Variants in PIP5K1B observed in about 807,000 individuals in gnomAD.
PIP5K1B encodes phosphatidylinositol-4-phosphate 5-kinase type 1 beta, also known as phosphatidylinositol 4-phosphate 5-kinase type-1 beta.
PIP5K1B carries 42 observed loss-of-function variants against 67.0 expected under a neutral mutation model. The observed-to-expected ratio is 0.63, with a 90% CI of 0.49 to 0.81. The LOEUF is 0.81. Among genes scored for constraint, PIP5K1B ranks in the 30% least tolerant of loss-of-function variants. The probability of loss-of-function intolerance (pLI) is 0.00; values close to 1 mark genes in which losing one functional copy is unlikely to be tolerated. For missense variants in PIP5K1B, 459 were observed against 646.3 expected (o/e 0.71, Z 3.14); for synonymous variants, 214 against 231.4 (o/e 0.92, Z 0.68).
intron 8 of PIP5K1B, among the ~76,000 whole-genome samples, chr9:68,904,386 G>A (rs1380795286): frequency 6.6e-6 from 1 of 152,230 alleles, no homozygotes; most frequent in Non-Finnish European, 1.5e-5. Context: ...TGGAGAGCTT[G>A]GTTTGGACAG....
intron 14 of PIP5K1B, among the ~76,000 whole-genome samples, chr9:68,970,713 T>G (rs1262565216): frequency 1.3e-5 from 2 of 152,234 alleles, no homozygotes; most frequent in African/African-American, 4.8e-5. Context: ...TGTTAAGAAA[T>G]CACATATAAA....
chr9:68,832,870 T>C (rs1339406384), intron 4 of PIP5K1B, among the ~76,000 whole-genome samples: 1 of 152,250 alleles, frequency 6.6e-6, no homozygotes, highest in Admixed American at 6.5e-5. Flanking sequence ...CGTTTGGTTA[T>C]TGAGCACAGG....
At chr9:68,979,339 CAT>C (rs1017479002) in intron 14 of PIP5K1B, among the ~76,000 whole-genome samples, 3 of 152,194 alleles carry the variant, frequency 2.0e-5, no homozygotes, top group African/African-American at 7.2e-5. Context: ...AATGAAATAA[CAT>C]GTGTAATACA....
intron 2 of PIP5K1B, chr9:68,781,135 C>A: frequency 7.0e-7 from 1 of 1,433,302 alleles, no homozygotes; most frequent in Non-Finnish European, 9.4e-7. Flanking sequence ...TATTTGACCC[C>A]TTTTCTTTTT....
At chr9:68,918,083 G>GTT (rs1414281323) in intron 9 of PIP5K1B, among the ~76,000 whole-genome samples, 2 of 142,102 alleles carry the variant, frequency 1.4e-5, no homozygotes, top group East Asian at 2.1e-4. Flanking sequence ...ATGTTTTATT[G>GTT]TTTATTTATT....
chr9:69,008,353 G>A (rs1483572415), intron 15 of PIP5K1B, 94 bp from the exon 16 acceptor site: 2 of 1,077,754 alleles, frequency 1.9e-6, no homozygotes, highest in African/African-American at 1.5e-5. Context: ...ACAAGTGATT[G>A]GGAGAAATAA....
chr9:68,835,316 G>A (rs2132126183), intron 4 of PIP5K1B, among the ~76,000 whole-genome samples: 1 of 152,360 alleles, frequency 6.6e-6, no homozygotes, highest in African/African-American at 2.4e-5. Flanking sequence ...CTCACCAGCA[G>A]TGGACTGAGA....
intron 2 of PIP5K1B, among the ~76,000 whole-genome samples, chr9:68,796,187 CA>C (rs1473410511): frequency 3.9e-5 from 6 of 152,182 alleles, no homozygotes; most frequent in African/African-American, 1.4e-4. Context: ...ATGTAATATA[CA>C]GTGAATGTTT....
intron 1 of PIP5K1B, among the ~76,000 whole-genome samples, chr9:68,721,065 G>A (rs1193911843): frequency 6.6e-6 from 1 of 152,196 alleles, no homozygotes; most frequent in Non-Finnish European, 1.5e-5. Flanking sequence ...TAATGGGTAG[G>A]GTGGCTGTGG....
chr9:68,718,408 C>T (rs1827729973), intron 1 of PIP5K1B, among the ~76,000 whole-genome samples: 1 of 152,182 alleles, frequency 6.6e-6, no homozygotes, highest in Non-Finnish European at 1.5e-5. Flanking sequence ...CAATCTCTGA[C>T]TTTAAAAATA....
intron 2 of PIP5K1B, among the ~76,000 whole-genome samples, chr9:68,814,035 A>G (rs934841737): frequency 1.3e-5 from 2 of 152,222 alleles, no homozygotes; most frequent in African/African-American, 4.8e-5. Flanking sequence ...CACGCAAGAC[A>G]CACAAAGCCT....
chr9:68,977,680 A>T (rs1587749881), intron 14 of PIP5K1B, among the ~76,000 whole-genome samples: 1 of 136,496 alleles, frequency 7.3e-6, no homozygotes, highest in Non-Finnish European at 1.5e-5. Context: ...TTCGAGACGG[A>T]GTCTCGCTCT....
intron 6 of PIP5K1B, among the ~76,000 whole-genome samples, chr9:68,883,403 G>A (rs1824297653): frequency 2.0e-5 from 3 of 152,224 alleles, no homozygotes; most frequent in Admixed American, 6.5e-5. Context: ...TTGTCAAGAA[G>A]CAAGGCTAAC....
intron 4 of PIP5K1B, among the ~76,000 whole-genome samples, chr9:68,854,631 A>G (rs1354286465): frequency 1.3e-5 from 2 of 152,242 alleles, no homozygotes; most frequent in East Asian, 1.9e-4. Context: ...AGAAAAAGCT[A>G]AAAAGATGAG....
At chr9:68,752,091 G>A (rs150445953) in intron 2 of PIP5K1B, among the ~76,000 whole-genome samples, 28 of 151,926 alleles carry the variant, frequency 1.8e-4, no homozygotes, top group African/African-American at 4.1e-4. Context: ...TTGTTTTCTC[G>A]TTTATAAAAT....
At chr9:69,005,144 C>T (rs1406080507) in intron 15 of PIP5K1B, among the ~76,000 whole-genome samples, 1 of 151,956 alleles carries the variant, frequency 6.6e-6, no homozygotes, top group African/African-American at 2.4e-5. Flanking sequence ...ACTAAACTTC[C>T]TGTGTGCATG....
At chr9:68,790,072 C>G (rs1831873430) in intron 2 of PIP5K1B, among the ~76,000 whole-genome samples, 1 of 152,112 alleles carries the variant, frequency 6.6e-6, no homozygotes, top group Admixed American at 6.5e-5. Flanking sequence ...CCCTTCCCTC[C>G]CCTCCTTTCC....
intron 2 of PIP5K1B, chr9:68,782,679 T>A (rs1831363630): frequency 1.2e-5 from 2 of 167,084 alleles, no homozygotes; most frequent in South Asian, 4.1e-4. Context: ...GTCCACAGGT[T>A]TAAAATTCTC....
At chr9:68,822,875 G>A (rs1833798354) in intron 4 of PIP5K1B, among the ~76,000 whole-genome samples, 192 bp downstream of exon 4, 1 of 152,192 alleles carries the variant, frequency 6.6e-6, no homozygotes, top group Non-Finnish European at 1.5e-5. Context: ...CAGTGAGTCA[G>A]AAGCCTGACA....
Sources: gnomAD v4.1 joint callset for allele counts (sites outside exome capture counted in the v4.1 genomes callset) on GRCh38, gnomAD v4.1.1 for gene constraint, MANE v1.5 for transcripts, NCBI Gene and HGNC (gene_info 2026-07-23, HGNC 2026-07-21) for gene names.